Variants in C4orf50 observed in about 807,000 individuals in gnomAD.
C4orf50 encodes the protein chromosome 4 open reading frame 50, also known as uncharacterized protein C4orf50.
C4orf50 carries 80 observed loss-of-function variants against 77.2 expected under a neutral mutation model. The ratio of observed to expected loss-of-function variants is 1.04; its 90% CI spans 0.87 to 1.25. The LOEUF is 1.25. Among genes scored for constraint, C4orf50 ranks in the 50% most tolerant of loss-of-function variants. The probability of loss-of-function intolerance (pLI) is 0.00; values close to 1 mark genes in which losing one functional copy is unlikely to be tolerated. For synonymous variants in C4orf50, 532 were observed against 465.3 expected (o/e 1.14, Z -1.84); for missense variants, 1,257 against 1,152.9 (o/e 1.09, Z -1.31).
downstream of C4orf50, among the ~76,000 whole-genome samples, chr4:5,954,329 G>C (rs1356890269): frequency 6.6e-6 from 1 of 152,122 alleles, no homozygotes; most frequent in East Asian, 1.9e-4. The surrounding 1 kb of genome is among the most constrained non-coding windows in gnomAD (Gnocchi z 4.7). Flanking sequence ...TGGGGAAGCA[G>C]CAGCAGCTGG....
chr4:5,972,559 G>C (rs749372992), intron 31 of C4orf50, among the ~76,000 whole-genome samples: 1 of 152,212 alleles, frequency 6.6e-6, no homozygotes, highest in Admixed American at 6.5e-5. Flanking sequence ...TCTCTGCTGT[G>C]CAATGATTTG....
At chr4:5,973,678 A>G (rs1720065438) in exon 31 of C4orf50, 1 of 1,613,120 alleles carries the variant, frequency 6.2e-7, no homozygotes, top group South Asian at 1.1e-5. Context: ...TCCCGGAGCC[A>G]GGAAGGTGGC....
intron 7 of C4orf50, among the ~76,000 whole-genome samples, chr4:5,941,479 T>C (rs1309647142): frequency 1.3e-5 from 2 of 152,176 alleles, no homozygotes; most frequent in South Asian, 2.1e-4. Context: ...TCATCTCTCA[T>C]CCTCCTAACT....
Position 5,972,578 on chromosome 4 carries a change from G to C in C4orf50, c.4104+1081C>G, listed in dbSNP as rs145601908. Among the ~76,000 whole-genome samples the C allele has an allele frequency of 8.4e-3, 1,277 of 152,298 alleles. 22 individuals carry two copies. Among genetic ancestry groups the C allele is most frequent in the African/African-American group, 0.029 (1,202 of 41,578 alleles). ...TGCTGTGCAATGATTTGGACCAGAG[G>C]GGACCTCTCAAGGCTGTGAGGAAAA... On this transcript the variant is annotated intron_variant, in intron 31 of 33. Transcript: ENST00000531445.
At chr4:6,012,225 T>C (rs1722523148) in intron 23 of C4orf50, among the ~76,000 whole-genome samples, 1 of 152,182 alleles carries the variant, frequency 6.6e-6, no homozygotes, top group South Asian at 2.1e-4. Context: ...AAGCCAGTAA[T>C]TGCAGATTCA....
intron 25 of C4orf50, among the ~76,000 whole-genome samples, chr4:6,003,537 GGTGATGGTGACT>G (rs1165621334): frequency 2.0e-5 from 3 of 151,920 alleles, no homozygotes; most frequent in Non-Finnish European, 4.4e-5. Flanking sequence ...TGGTGGTGAT[GGTGATGGTGACT>G]GTGATGGTGA....
chr4:5,941,430 C>T (rs1718260786), intron 7 of C4orf50, among the ~76,000 whole-genome samples: 1 of 152,226 alleles, frequency 6.6e-6, no homozygotes, highest in African/African-American at 2.4e-5. Context: ...CATTGCTTCT[C>T]TCTTATTCTA....
intron 7 of C4orf50, among the ~76,000 whole-genome samples, chr4:5,936,875 G>T (rs1326424016): frequency 6.6e-6 from 1 of 152,008 alleles, no homozygotes; most frequent in African/African-American, 2.4e-5. Context: ...ATCAGAGAGA[G>T]AGAAATTGAT....
rs777206542 is a variant in C4orf50, at chr4:5,958,628, G to T, written c.*747C>A. On this transcript the variant is annotated 3_prime_UTR_variant, in exon 34 of 34. Transcript: ENST00000531445. This position sits in a 1 kb window ranked among gnomAD's most constrained non-coding sequence, Gnocchi z 5.4. ...CCCATTGTCCTGTGAGGTCCCCGGC[G>T]CCAGGATCAACATTGACTTGTCTCT... 1 of 152,120 alleles carries T rather than the reference G, an allele frequency of 6.6e-6. No homozygotes were observed. The highest frequency in any genetic ancestry group is 2.4e-5 in the African/African-American group (1 of 41,406). The allele number at this position is 152,120 out of a possible 1,614,324, so 9.4% of individuals were successfully genotyped here.
At chr4:5,997,929 A>T (rs769740404) in intron 25 of C4orf50, among the ~76,000 whole-genome samples, 16 of 152,324 alleles carry the variant, frequency 1.1e-4, no homozygotes, top group Non-Finnish European at 2.1e-4. Context: ...TTCCAGATCA[A>T]ATCAATTCCC....
At chr4:5,991,813 G>T (rs4309776) in intron 27 of C4orf50, among the ~76,000 whole-genome samples, 28,294 of 152,186 alleles carry the variant, frequency 0.19, 2,816 homozygotes, top group African/African-American at 0.21. Context: ...CTCAGGCAGA[G>T]GGGGCTTGAA....
At position 5,965,135 on chromosome 4, in the gene C4orf50, G is replaced by T; in HGVS notation, c.4164C>A (p.Tyr1388Ter). The T allele has an allele frequency of 6.2e-7, 1 of 1,612,666 alleles. No individual in the cohort carries two copies. Among genetic ancestry groups the T allele is most frequent in the Non-Finnish European group, 8.5e-7 (1 of 1,179,350 alleles). Residue 1388 changes from tyrosine to a stop codon, truncating the protein, a stop_gained, in exon 33 of 34, where the codon TAC becomes TAA. Transcript: ENST00000531445. LOFTEE classifies it high-confidence loss of function. ...CACTGTCCATTTCAGGATTCAAGAG[G>T]TATGTCTGAGCTGGAAGGGAAAATT...
chr4:5,980,333 C>A (rs776514738), exon 29 of C4orf50: 1 of 1,609,558 alleles, frequency 6.2e-7, no homozygotes, highest in Non-Finnish European at 8.5e-7. Flanking sequence ...CCTCTGAGTC[C>A]CGGAGCTGCG....
chr4:5,985,868 T>C (rs1382619950), intron 28 of C4orf50, among the ~76,000 whole-genome samples: 3 of 151,796 alleles, frequency 2.0e-5, no homozygotes, highest in Non-Finnish European at 2.9e-5. Context: ...ACTTGGGAGG[T>C]TGAGGCAGGA....
At chr4:5,903,740 G>T (rs1436164955) in intron 7 of C4orf50, 2 of 152,176 alleles carry the variant, frequency 1.3e-5, no homozygotes, top group Admixed American at 1.3e-4. Context: ...GCACCACAAT[G>T]TGAATGCACT....
rs115851403 is a variant in C4orf50, at chr4:5,927,612, T to C, written c.*2474+29289A>G. Among the ~76,000 whole-genome samples the C allele has an allele frequency of 2.4e-3, 362 of 151,620 alleles. 3 individuals are homozygous for C. Among genetic ancestry groups the C allele is most frequent in the Non-Finnish European group, 4.0e-3 (269 of 67,960 alleles). On this transcript the variant is annotated intron_variant, in intron 7 of 7. Transcript: ENST00000324058. ...ATCTGATGGTTTGAAAGTGGGAGTT[T>C]ACCCTGCTCTCCCTCTGTCTCTCTC...
chr4:5,953,511 G>C (rs1196866494), downstream of C4orf50, among the ~76,000 whole-genome samples: 5 of 152,190 alleles, frequency 3.3e-5, no homozygotes, highest in Admixed American at 6.5e-5. Context: ...CAGGTGCTGG[G>C]ACTATTTGGT....
In C4orf50 at chr4:5,926,857, C is replaced by T. The variant is rs552155402; in HGVS notation, c.*2475-28669G>A. On this transcript the variant is annotated intron_variant, in intron 7 of 7. Transcript: ENST00000324058. ...CCGAGGGGGAACCAAAGTGGCTCTG[C>T]GGCTCATCCATATTCATTCATTCAC... 1.2e-4 allele frequency among the ~76,000 whole-genome samples: 18 copies of T among 152,268 alleles called. No homozygotes were observed. In the East Asian group the frequency reaches 2.9e-3, roughly 24 times the overall value.
At chr4:5,989,747 C>G (rs1441326701) in exon 28 of C4orf50, 7 of 1,534,328 alleles carry the variant, frequency 4.6e-6, no homozygotes, top group South Asian at 1.2e-5. Context: ...AGTGGCAAAC[C>G]TGTCTCTCCT....
Sources: gnomAD v4.1 joint callset for allele counts (sites outside exome capture counted in the v4.1 genomes callset) on GRCh38, gnomAD v4.1.1 for gene constraint, Gnocchi (gnomAD v3.1) non-coding constraint, MANE v1.5 for transcripts, NCBI Gene and HGNC (gene_info 2026-07-23, HGNC 2026-07-21) for gene names.